The following LACC1 variants were observed in gnomAD, a reference collection of about 807,000 sequenced individuals.
The protein encoded by LACC1 is purine nucleoside phosphorylase LACC1.
Under a neutral mutation model 34.8 loss-of-function variants are expected in LACC1, and 25 were observed. The observed-to-expected ratio is 0.72, with a 90% CI of 0.52 to 1.00. LACC1 has a LOEUF of 1.00. LACC1 is among the 50% of genes least tolerant of loss of function. The pLI is 0.00. For missense variants in LACC1, 426 were observed against 511.2 expected (o/e 0.83, Z 1.61); for synonymous variants, 162 against 168.0 (o/e 0.96, Z 0.28).
intron 4 of LACC1, among the ~76,000 whole-genome samples, chr13:43,884,393 T>G (rs1955218470): frequency 1.3e-5 from 2 of 152,170 alleles, no homozygotes; most frequent in Admixed American, 1.3e-4. Context: ...GGAGTGGTAC[T>G]GCCTCTGGTT....
chr13:43,882,539 T>TTA (rs1171355368), intron 3 of LACC1, among the ~76,000 whole-genome samples, 176 bp downstream of exon 3: 6 of 134,580 alleles, frequency 4.5e-5, no homozygotes, highest in African/African-American at 1.7e-4. Flanking sequence ...AAGTTCTATT[T>TTA]TATACACACA....
rs1014337172 is a variant in LACC1, at chr13:43,892,517, G to T, written c.*1070G>T. On this transcript the variant is annotated 3_prime_UTR_variant, in exon 7 of 7. Transcript: ENST00000325686. ...GCAACAAAGGGAGGGAGAAGGTTTG[G>T]AAAAAGAGAGAAGGATAATGAGTTT... 1 of 151,932 alleles carries T rather than the reference G, an allele frequency of 6.6e-6. No individual in the cohort carries two copies. Among genetic ancestry groups the T allele is most frequent in the Admixed American group, 6.6e-5 (1 of 15,238 alleles). The allele number at this position is 151,932 out of a possible 1,614,324, so 9.4% of individuals were successfully genotyped here. A position where few individuals can be genotyped will look rare whatever the true frequency, so the allele number is the denominator to read the frequency against.
intron 6 of LACC1, among the ~76,000 whole-genome samples, chr13:43,890,988 G>A (rs1384491593): frequency 7.9e-5 from 12 of 152,212 alleles, no homozygotes; most frequent in Non-Finnish European, 1.5e-5. Flanking sequence ...GCCAGGCACA[G>A]TGGCCCTGCT....
At position 43,890,094 on chromosome 13, in the gene LACC1, T is replaced by C. The variant is rs746323529; in HGVS notation, c.1134-20T>C. The C allele has an allele frequency of 6.3e-7, 1 of 1,593,852 alleles. No individual in the cohort carries two copies. Among genetic ancestry groups the C allele is most frequent in the Non-Finnish European group, 8.5e-7 (1 of 1,171,260 alleles). On this transcript the variant is annotated intron_variant, in intron 5 of 6. Coordinates refer to ENST00000325686, the MANE Select transcript of LACC1 (RefSeq NM_153218.4). ...GGGAAAATAAACTCTTGCTCTCTTT[T>C]GAAAAATATTTTTCCTAAGGATTCT...
intron 2 of LACC1, among the ~76,000 whole-genome samples, 173 bp downstream of exon 2, chr13:43,881,720 T>C (rs959527696): frequency 6.6e-6 from 1 of 152,060 alleles, no homozygotes; most frequent in African/African-American, 2.4e-5. Flanking sequence ...GTATCAGGGG[T>C]GTCAAGGGAT....
upstream of LACC1, chr13:43,879,447 G>A (rs1594875281): frequency 6.5e-6 from 1 of 152,720 alleles, no homozygotes; most frequent in Non-Finnish European, 1.5e-5. Flanking sequence ...GAGCCCTCGC[G>A]CGGCTCTGGT....
intron 6 of LACC1, among the ~76,000 whole-genome samples, chr13:43,890,696 C>A (rs945631572): frequency 3.3e-5 from 5 of 152,170 alleles, no homozygotes; most frequent in African/African-American, 1.2e-4. Context: ...GAAAACAAAT[C>A]TTTGCATAAA....
At position 43,881,334 on chromosome 13, in the gene LACC1, G is replaced by A. The variant is rs1254658141; in HGVS notation, c.349G>A (p.Ala117Thr). The A allele has an allele frequency of 6.2e-7, 1 of 1,613,886 alleles. No individual in the cohort carries two copies. Among genetic ancestry groups the A allele is most frequent in the Admixed American group, 1.7e-5 (1 of 59,964 alleles). ...VPRHRKTLMK[A>T]FIDQLFTDVY... ...CAGGCACAGGAAGACATTAATGAAAGCTTTTATTGATCAACTCTTCACTGA... is the reference window on the plus strand; with the variant it reads ...CAGGCACAGGAAGACATTAATGAAAACTTTTATTGATCAACTCTTCACTGA... The change falls in exon 2 of 7, where the codon GCT (alanine) becomes ACT (threonine). Residue 117 changes from alanine to threonine, a missense_variant. Ala to Thr is a moderately conservative substitution (Grantham distance 58, BLOSUM62 0). Transcript: ENST00000325686.
intron 6 of LACC1, among the ~76,000 whole-genome samples, chr13:43,891,222 T>C (rs1955557799): frequency 6.6e-6 from 1 of 152,248 alleles, no homozygotes; most frequent in South Asian, 2.1e-4. Flanking sequence ...ATGGTTTTGT[T>C]GGAATTATAC....
At chr13:43,887,635 G>A (rs141202174) in intron 4 of LACC1, among the ~76,000 whole-genome samples, 142 of 152,182 alleles carry the variant, frequency 9.3e-4, no homozygotes, top group Non-Finnish European at 1.8e-3. Flanking sequence ...AAAAGGGAGA[G>A]ATGAAAACTG....
At chr13:43,890,652 ATCC>A (rs1035898493) in intron 6 of LACC1, among the ~76,000 whole-genome samples, 2 of 152,194 alleles carry the variant, frequency 1.3e-5, no homozygotes, top group Non-Finnish European at 2.9e-5. Context: ...TACATTCCCT[ATCC>A]TCACATCCTT....
At chr13:43,889,246 T>G (rs1327052638) in intron 5 of LACC1, among the ~76,000 whole-genome samples, 1 of 152,218 alleles carries the variant, frequency 6.6e-6, no homozygotes, top group Admixed American at 6.5e-5. Flanking sequence ...TTAAGAGATC[T>G]ACTTAAACTT....
In LACC1 at chr13:43,880,022, G is replaced by A. The variant is rs76474346; in HGVS notation, c.-132G>A. 6,587 of 152,532 alleles carry A rather than the reference G, an allele frequency of 0.043. 287 individuals carry two copies. Among genetic ancestry groups the A allele is most frequent in the African/African-American group, 0.1 (4,330 of 41,524 alleles). 9.4% of individuals were successfully genotyped at this position (152,532 alleles called of 1,614,324 possible). The stretch of plus-strand genomic sequence containing the variant: ...GCGAGGACCGAATCGCCTCTGGTGT[G>A]CGTTGTCCGACAGGAAGTCCCGAAT... On this transcript the variant is annotated 5_prime_UTR_variant, in exon 1 of 7. Transcript: ENST00000325686.
chr13:43,888,690 G>C (rs1955440442), intron 4 of LACC1, 67 bp from the exon 5 acceptor site: 2 of 1,184,464 alleles, frequency 1.7e-6, no homozygotes, highest in African/African-American at 1.5e-5. Context: ...TTTTAACTTA[G>C]ACATAAATTC....
In LACC1 at chr13:43,892,245, A is replaced by C. The variant is rs1359174788; in HGVS notation, c.*798A>C. On this transcript the variant is annotated 3_prime_UTR_variant, in exon 7 of 7. Transcript: ENST00000325686. ...CATGGCATCATATTTAAGAGGATGG[A>C]TTTAAATTGTGTGAGACCAAAGCAT... 6.7e-6 allele frequency: 1 copy of C among 148,256 alleles called. No homozygotes were observed. Among genetic ancestry groups the C allele is most frequent in the East Asian group, 2.0e-4 (1 of 5,118 alleles). 9.2% of individuals were successfully genotyped at this position (148,256 alleles called of 1,614,324 possible). A position where few individuals can be genotyped will look rare whatever the true frequency, so the allele number is the denominator to read the frequency against.
Position 43,889,924 on chromosome 13 carries a change from A to G in LACC1, c.1134-190A>G, listed in dbSNP as rs1240760010. 2.2e-5 allele frequency: 12 copies of G among 543,044 alleles called. No homozygotes were observed. The Admixed American group carries it at 3.4e-4, about 15-fold the overall frequency. The allele number at this position is 543,044 out of a possible 1,614,324, so 33.6% of individuals were successfully genotyped here. A position where few individuals can be genotyped will look rare whatever the true frequency, so the allele number is the denominator to read the frequency against. ...TACTGTGCATATATGAACTTAGGTGATAAATGCTGATAAAGTGTAGCATTT... is the reference window on the plus strand; with the variant it reads ...TACTGTGCATATATGAACTTAGGTGGTAAATGCTGATAAAGTGTAGCATTT... On this transcript the variant is annotated intron_variant, in intron 5 of 6. Coordinates refer to ENST00000325686, the MANE Select transcript of LACC1 (RefSeq NM_153218.4).
At chr13:43,881,670 G>A in intron 2 of LACC1, 123 bp downstream of exon 2, 6 of 717,966 alleles carry the variant, frequency 8.4e-6, no homozygotes, top group Non-Finnish European at 1.1e-5. Context: ...TTACTCATTA[G>A]CATCAGTGGC....
At position 43,892,669 on chromosome 13, in the gene LACC1, T is replaced by G. The variant is rs1955611511; in HGVS notation, c.*1222T>G. The G allele has an allele frequency of 6.6e-6, 1 of 152,122 alleles. No homozygotes were observed. The highest frequency in any genetic ancestry group is 2.4e-5 in the African/African-American group (1 of 41,426). The allele number at this position is 152,122 out of a possible 1,614,324, so 9.4% of individuals were successfully genotyped here. A position where few individuals can be genotyped will look rare whatever the true frequency, so the allele number is the denominator to read the frequency against. On this transcript the variant is annotated 3_prime_UTR_variant, in exon 7 of 7. Transcript: ENST00000325686. ...TTCAAAGCTTACAATACAGAGATGATACCTGATTCTATTGGAGCAGGTTTG... is the reference window on the plus strand; with the variant it reads ...TTCAAAGCTTACAATACAGAGATGAGACCTGATTCTATTGGAGCAGGTTTG...
intron 4 of LACC1, among the ~76,000 whole-genome samples, chr13:43,885,632 A>G (rs368434709): frequency 3.9e-5 from 6 of 152,248 alleles, no homozygotes; most frequent in African/African-American, 1.4e-4. Context: ...ACTTAAACAT[A>G]TAGCCTAAAA....
Sources: allele counts gnomAD v4.1 joint callset (sites outside exome capture counted in the v4.1 genomes callset), GRCh38; gene constraint gnomAD v4.1.1; transcripts MANE v1.5; gene names NCBI Gene and HGNC (gene_info 2026-07-23, HGNC 2026-07-21).